SHISA5: variants seen among roughly 807,000 people sequenced by gnomAD.
The protein encoded by SHISA5 is protein shisa-5.
A neutral mutation model predicts 27.5 loss-of-function variants in SHISA5; 21 were observed. The ratio of observed to expected loss-of-function variants is 0.76; its 90% CI spans 0.54 to 1.10. The LOEUF is 1.10. Among genes scored for constraint, SHISA5 ranks in the 50% least tolerant of loss-of-function variants. SHISA5 has a pLI of 0.00. For synonymous variants in SHISA5, 137 were observed against 142.2 expected, an observed-to-expected ratio of 0.96 and a Z score of 0.26; for missense variants, 314 against 336.3, an observed-to-expected ratio of 0.93 and a Z score of 0.52.
intron 3 of SHISA5, among the ~76,000 whole-genome samples, chr3:48,471,531 G>A (rs1242976371): frequency 7.0e-6 from 1 of 143,574 alleles, no homozygotes; most frequent in Non-Finnish European, 1.5e-5. Flanking sequence ...CTCCAGCCTG[G>A]GGGACAGAGT....
intron 1 of SHISA5, chr3:48,503,281 C>G (rs2041807829): frequency 1.3e-6 from 1 of 793,782 alleles, no homozygotes. Flanking sequence ...AGTGACCGAC[C>G]CTCCTACAGG....
chr3:48,503,928 G>T, intron 1 of SHISA5, 91 bp downstream of exon 1: 1 of 1,382,900 alleles, frequency 7.2e-7, no homozygotes, highest in South Asian at 1.6e-5. Flanking sequence ...GGCATAGTGG[G>T]GCTGGTGCTG....
At chr3:48,485,422 G>A (rs1169938505) in intron 2 of SHISA5, among the ~76,000 whole-genome samples, 1 of 150,918 alleles carries the variant, frequency 6.6e-6, no homozygotes, top group Non-Finnish European at 1.5e-5. Context: ...TTGAACCTGG[G>A]AGGTGGAGGT....
At chr3:48,476,596 GC>G (rs1218262146) in intron 3 of SHISA5, among the ~76,000 whole-genome samples, 6 of 152,176 alleles carry the variant, frequency 3.9e-5, no homozygotes, top group African/African-American at 7.2e-5. Context: ...GCACATGGAT[GC>G]CCAGCAGAGG....
rs182619100 is a variant in SHISA5 at position 48,474,560 on chromosome 3, C to T, written c.314+4617G>A. On this transcript the variant is annotated intron_variant, in intron 3 of 5. Coordinates refer to ENST00000296444, the MANE Select transcript of SHISA5 (RefSeq NM_016479.6). ...CCACGTTGGCCAGGCTGGTCTCGAACTCCCGACCTCAGGTGATCTGCCCAC... is the reference window on the plus strand; with the variant it reads ...CCACGTTGGCCAGGCTGGTCTCGAATTCCCGACCTCAGGTGATCTGCCCAC... 4.7e-3 allele frequency among the ~76,000 whole-genome samples: 711 copies of T among 152,220 alleles called. 2 individuals are homozygous for T. Among genetic ancestry groups the T allele is most frequent in the Non-Finnish European group, 7.7e-3 (526 of 68,010 alleles).
chr3:48,476,940 G>GGTC, intron 3 of SHISA5: 1 of 385,448 alleles, frequency 2.6e-6, no homozygotes, highest in South Asian at 1.9e-5. Context: ...TAACAGAACA[G>GGTC]GTCCCACATG....
rs556992088 is a variant in SHISA5 at position 48,480,061 on chromosome 3, G to A, written c.234-804C>T. The stretch of plus-strand genomic sequence containing the variant: ...TGGGTCTACAGGCGCCCACAACTAC[G>A]CCCGGCTAATTTTTTGTATTTTTAG... On this transcript the variant is annotated intron_variant, in intron 2 of 5. Coordinates refer to ENST00000296444, the MANE Select transcript of SHISA5 (RefSeq NM_016479.6). 6.6e-5 allele frequency among the ~76,000 whole-genome samples: 10 copies of A among 150,990 alleles called. 1 individual carries two copies. The highest frequency in any genetic ancestry group is 1.7e-4 in the African/African-American group (7 of 41,112).
chr3:48,473,075 G>A lies in SHISA5; in HGVS notation c.315-3232C>T. ...CCCTGGGCTTTCCCCTCTTCCCATC[G>A]TGGGCCACTCAGTTTCAATTTCCTC... On this transcript the variant is annotated intron_variant, in intron 3 of 5. Coordinates refer to ENST00000296444, the MANE Select transcript of SHISA5 (RefSeq NM_016479.6). The surrounding 1 kb of genome is among the most constrained non-coding windows in gnomAD (Gnocchi z 4.3). The A allele has an allele frequency of 2.6e-6, 4 of 1,511,078 alleles. No individual in the cohort carries two copies. The highest frequency in any genetic ancestry group is 1.8e-6 in the Non-Finnish European group (2 of 1,136,536). 93.6% of individuals were successfully genotyped at this position (1,511,078 alleles called of 1,614,324 possible).
chr3:48,504,398 A>G (rs2041843738), upstream of SHISA5: 6 of 283,996 alleles, frequency 2.1e-5, no homozygotes. The surrounding 1 kb of genome is among the most constrained non-coding windows in gnomAD (Gnocchi z 4.0). Context: ...GCGCCGGGCG[A>G]CGCACGGAGT....
chr3:48,487,561 T>A (rs1255269131), intron 2 of SHISA5, among the ~76,000 whole-genome samples: 1 of 152,140 alleles, frequency 6.6e-6, no homozygotes, highest in East Asian at 1.9e-4. Context: ...TTTAATAGAT[T>A]TTTTTACTAT....
intron 2 of SHISA5, among the ~76,000 whole-genome samples, chr3:48,481,332 C>T (rs2041004423): frequency 6.6e-6 from 1 of 151,478 alleles, no homozygotes; most frequent in African/African-American, 2.4e-5. Context: ...CCCAGCTACT[C>T]GGGAGGCTGA....
rs146387146 is a variant in SHISA5, at chr3:48,500,847, G to A, written c.233+290C>T. Among the ~76,000 whole-genome samples the A allele has an allele frequency of 3.2e-3, 488 of 152,210 alleles. 2 individuals carry two copies. Among genetic ancestry groups the A allele is most frequent in the African/African-American group, 0.011 (465 of 41,534 alleles). On this transcript the variant is annotated intron_variant, in intron 2 of 5. Coordinates refer to ENST00000296444, the MANE Select transcript of SHISA5 (RefSeq NM_016479.6). The stretch of plus-strand genomic sequence containing the variant: ...GACATCTTGGCACAGGTACACACCC[G>A]GGGTGAGTCACAGGACCAGCTGAGG...
Position 48,468,757 on chromosome 3 carries a change from AG to A in SHISA5, c.*349del, listed in dbSNP as rs1251772262. On this transcript the variant is annotated 3_prime_UTR_variant, in exon 6 of 6. Coordinates refer to ENST00000296444, the MANE Select transcript of SHISA5 (RefSeq NM_016479.6). The stretch of plus-strand genomic sequence containing the variant: ...ACTTGGTCACCCTAGGGTAAGCTGG[AG>A]AAGAACTCCAGATGTGCCCTGGAGA... 1.5e-6 allele frequency: 2 copies of A among 1,370,774 alleles called. No homozygotes were observed. The highest frequency in any genetic ancestry group is 2.9e-5 in the African/African-American group (2 of 68,798). 84.9% of individuals were successfully genotyped at this position (1,370,774 alleles called of 1,614,324 possible).
chr3:48,482,754 GCC>G (rs1461647331), intron 2 of SHISA5, among the ~76,000 whole-genome samples: 2 of 151,908 alleles, frequency 1.3e-5, no homozygotes, highest in Non-Finnish European at 2.9e-5. Flanking sequence ...TCCTGCCTCA[GCC>G]TCCTGAGTAG....
chr3:48,484,103 T>C (rs1575318830), intron 2 of SHISA5, among the ~76,000 whole-genome samples: 2 of 152,186 alleles, frequency 1.3e-5, no homozygotes, highest in Non-Finnish European at 2.9e-5. Context: ...GGGACATATA[T>C]AGCACAATGG....
In SHISA5 at chr3:48,468,586, C is replaced by T. The variant is rs761484025; in HGVS notation, c.*521G>A. 1.7e-5 allele frequency: 20 copies of T among 1,190,540 alleles called. No homozygotes were observed. Among genetic ancestry groups the T allele is most frequent in the East Asian group, 5.8e-5 (1 of 17,202 alleles). 73.7% of individuals were successfully genotyped at this position (1,190,540 alleles called of 1,614,324 possible). Reference sequence around the variant, plus strand: ...TCCAACTTGGCCAGATCCCAAGCTTCGCCTGCATCATGTCCCTGGCTCTGC... The same window carrying T: ...TCCAACTTGGCCAGATCCCAAGCTTTGCCTGCATCATGTCCCTGGCTCTGC... On this transcript the variant is annotated 3_prime_UTR_variant, in exon 6 of 6. Coordinates refer to ENST00000296444, the MANE Select transcript of SHISA5 (RefSeq NM_016479.6).
intron 2 of SHISA5, among the ~76,000 whole-genome samples, chr3:48,485,501 CA>C (rs892782320): frequency 7.2e-6 from 1 of 138,532 alleles, no homozygotes; most frequent in Non-Finnish European, 1.5e-5. Context: ...AACTCCATCT[CA>C]AAAAATATAT....
chr3:48,469,982 C>T lies in SHISA5; in HGVS notation c.315-139G>A. Reference sequence around the variant, plus strand: ...CTACTTCCTTGTCGGGTGGCCTGCACCTGTTTCAATCTGTTTCCTCTTGTG... The same window carrying T: ...CTACTTCCTTGTCGGGTGGCCTGCATCTGTTTCAATCTGTTTCCTCTTGTG... On this transcript the variant is annotated intron_variant, in intron 3 of 5. Transcript: ENST00000296444. This position sits in a 1 kb window ranked among gnomAD's most constrained non-coding sequence, Gnocchi z 4.6. The T allele has an allele frequency of 1.8e-6, 2 of 1,139,072 alleles. No individual in the cohort carries two copies. Among genetic ancestry groups the T allele is most frequent in the Non-Finnish European group, 2.5e-6 (2 of 807,350 alleles). The allele number at this position is 1,139,072 out of a possible 1,614,324, so 70.6% of individuals were successfully genotyped here.
chr3:48,473,571 T>C lies in SHISA5; in HGVS notation c.315-3728A>G. ...TTAGCTCCTCCTCTCCCACCAGCAC[T>C]CTCTCCAATCTGTCTCCCCATGTTC... On this transcript the variant is annotated intron_variant, in intron 3 of 5. Transcript: ENST00000296444. This position sits in a 1 kb window ranked among gnomAD's most constrained non-coding sequence, Gnocchi z 4.3. The C allele has an allele frequency of 7.9e-7, 1 of 1,258,134 alleles. No homozygotes were observed. Among genetic ancestry groups the C allele is most frequent in the South Asian group, 1.3e-5 (1 of 77,274 alleles). The allele number at this position is 1,258,134 out of a possible 1,614,324, so 77.9% of individuals were successfully genotyped here. A position where few individuals can be genotyped will look rare whatever the true frequency, so the allele number is the denominator to read the frequency against.
Sources: gnomAD v4.1 joint callset for allele counts (sites outside exome capture counted in the v4.1 genomes callset) on GRCh38, gnomAD v4.1.1 for gene constraint, Gnocchi (gnomAD v3.1) non-coding constraint, MANE v1.5 for transcripts, NCBI Gene and HGNC (gene_info 2026-07-23, HGNC 2026-07-21) for gene names.